MAF: variants seen among roughly 807,000 people sequenced by gnomAD.
MAF encodes the protein MAF bZIP transcription factor, also known as transcription factor Maf.
In MAF, 10 loss-of-function variants were observed where a neutral mutation model predicts 22.0. The observed-to-expected ratio is 0.45, with a 90% CI of 0.28 to 0.77. The LOEUF (loss-of-function observed/expected upper bound fraction) is 0.77. Among genes scored for constraint, MAF ranks in the 30% least tolerant of loss-of-function variants. The pLI, the probability that MAF is intolerant of heterozygous loss-of-function variation, is 0.12. For synonymous variants in MAF, 337 were observed against 255.8 expected (o/e 1.32, Z -3.03); for missense variants, 544 against 548.4 (o/e 0.99, Z 0.08).
the MAF span, among the ~76,000 whole-genome samples, chr16:79,359,540 A>G: frequency 6.6e-6 from 1 of 152,242 alleles, no homozygotes; most frequent in Non-Finnish European, 1.5e-5. Flanking sequence ...GGAGTGGGTT[A>G]TGCTGAGGGA....
chr16:79,326,895 G>C, the MAF span, among the ~76,000 whole-genome samples: 1 of 152,202 alleles, frequency 6.6e-6, no homozygotes, highest in African/African-American at 2.4e-5. Flanking sequence ...GAAATGAATA[G>C]ATTTTCAGAA....
chr16:79,311,634 G>A, the MAF span, among the ~76,000 whole-genome samples: 1 of 152,142 alleles, frequency 6.6e-6, no homozygotes, highest in Non-Finnish European at 1.5e-5. Context: ...TGGACTCAAA[G>A]CGCCTCTTTC....
the MAF span, among the ~76,000 whole-genome samples, chr16:79,278,430 G>A: frequency 1.3e-5 from 2 of 152,128 alleles, no homozygotes; most frequent in African/African-American, 4.8e-5. Context: ...AACAAACAAG[G>A]TCTCTTCCCA....
the MAF span, among the ~76,000 whole-genome samples, chr16:79,341,505 G>A: frequency 6.6e-6 from 1 of 152,150 alleles, no homozygotes; most frequent in African/African-American, 2.4e-5. Flanking sequence ...TTTGAAATTA[G>A]CCACAGTGGA....
chr16:79,252,102 A>C, the MAF span, among the ~76,000 whole-genome samples: 1 of 152,268 alleles, frequency 6.6e-6, no homozygotes, highest in Non-Finnish European at 1.5e-5. Flanking sequence ...CATTTGGTCA[A>C]TGTGATAACT....
the MAF span, among the ~76,000 whole-genome samples, chr16:79,575,603 G>C: frequency 4.7e-3 from 711 of 152,276 alleles, 9 homozygotes; most frequent in African/African-American, 0.017. Flanking sequence ...GTGATGGTGG[G>C]AATAATTTGT....
At chr16:79,302,154 C>T in the MAF span, among the ~76,000 whole-genome samples, 1 of 152,218 alleles carries the variant, frequency 6.6e-6, no homozygotes, top group Admixed American at 6.5e-5. Context: ...TGGGATCCAG[C>T]CTGGTAGCCA....
chr16:79,208,917 G>A, the MAF span, among the ~76,000 whole-genome samples: 1 of 152,206 alleles, frequency 6.6e-6, no homozygotes, highest in Non-Finnish European at 1.5e-5. Flanking sequence ...TCCAGCAAGG[G>A]AGGAAAGTAG....
chr16:79,556,223 A>G, the MAF span, among the ~76,000 whole-genome samples: 3 of 152,224 alleles, frequency 2.0e-5, no homozygotes, highest in Non-Finnish European at 4.4e-5. Flanking sequence ...TCATCCAGTC[A>G]ATAATATCAA....
At chr16:79,240,605 C>T in the MAF span, among the ~76,000 whole-genome samples, 35 of 142,652 alleles carry the variant, frequency 2.5e-4, no homozygotes, top group Non-Finnish European at 4.1e-4. Context: ...GAAGGGGTGG[C>T]TGTGGGCGCA....
In MAF at chr16:79,600,074, C is replaced by CCT; in HGVS notation, c.-173_-172insAG. 1 of 752,110 alleles carries CCT rather than the reference C, an allele frequency of 1.3e-6. No homozygotes were observed. The highest frequency in any genetic ancestry group is 2.0e-6 in the Non-Finnish European group (1 of 495,648). The allele number at this position is 752,110 out of a possible 1,614,324, so 46.6% of individuals were successfully genotyped here. ...CCTCCGAGCGCGCTCACACACACAC[C>CCT]CCCCCGCCCTGCCCGCGCCCCCCGC... On this transcript the variant is annotated 5_prime_UTR_variant, in exon 1 of 2. Transcript: ENST00000326043.
At position 79,599,822 on chromosome 16, in the gene MAF, C is replaced by G; in HGVS notation, c.81G>C (p.Leu27=). Residue 27 remains leucine, a synonymous_variant, in exon 1 of 2, where the codon CTG becomes CTC. Coordinates refer to ENST00000326043, the MANE Select transcript of MAF (RefSeq NM_005360.5). ...LAMEYVNDFD[L]MKFEVKKEPV... The stretch of plus-strand genomic sequence containing the variant: ...GTTCCTTTTTCACTTCAAACTTCAT[C>G]AGATCGAAGTCATTAACATATTCCA... 1 of 1,612,652 alleles carries G rather than the reference C, an allele frequency of 6.2e-7. No homozygotes were observed. Among genetic ancestry groups the G allele is most frequent in the Non-Finnish European group, 8.5e-7 (1 of 1,179,936 alleles).
the MAF span, among the ~76,000 whole-genome samples, chr16:79,530,453 G>GA: frequency 6.6e-6 from 1 of 151,814 alleles, no homozygotes; most frequent in African/African-American, 2.4e-5. Context: ...TTTTCTCAGG[G>GA]GAAAAAAATT....
At chr16:79,459,410 G>A in the MAF span, among the ~76,000 whole-genome samples, 2 of 152,006 alleles carry the variant, frequency 1.3e-5, no homozygotes, top group African/African-American at 2.4e-5. Flanking sequence ...TGGGAGAGTC[G>A]TATTATGTAC....
chr16:79,255,860 G>A, the MAF span, among the ~76,000 whole-genome samples: 1 of 152,082 alleles, frequency 6.6e-6, no homozygotes, highest in Non-Finnish European at 1.5e-5. Flanking sequence ...TGGAAGAGGA[G>A]CAATGTTTGT....
the MAF span, among the ~76,000 whole-genome samples, chr16:79,486,519 G>C: frequency 6.6e-6 from 1 of 152,064 alleles, no homozygotes; most frequent in Admixed American, 6.5e-5. Flanking sequence ...CAGTACCTAG[G>C]TTCTAGGAAA....
At chr16:79,464,208 C>A in the MAF span, among the ~76,000 whole-genome samples, 1 of 152,104 alleles carries the variant, frequency 6.6e-6, no homozygotes, top group African/African-American at 2.4e-5. Flanking sequence ...AATAGGAGTA[C>A]AGGGCTTTTG....
the MAF span, among the ~76,000 whole-genome samples, chr16:79,580,401 C>G: frequency 6.6e-6 from 1 of 152,166 alleles, no homozygotes; most frequent in African/African-American, 2.4e-5. Context: ...ACTAGAATGC[C>G]TAGGACACAT....
the MAF span, among the ~76,000 whole-genome samples, chr16:79,337,568 A>AAAAAC: frequency 0.056 from 8,457 of 151,502 alleles, 336 homozygotes; most frequent in East Asian, 0.17. Flanking sequence ...ATTCCGTCTC[A>AAAAAC]AAAACAAAAC....
Sources: allele counts gnomAD v4.1 joint callset (sites outside exome capture counted in the v4.1 genomes callset), GRCh38; gene constraint gnomAD v4.1.1; transcripts MANE v1.5; gene names NCBI Gene and HGNC (gene_info 2026-07-23, HGNC 2026-07-21).